Variants in DLC1 observed in about 807,000 individuals in gnomAD.
The protein encoded by DLC1 is rho GTPase-activating protein 7.
A neutral mutation model predicts 140.3 loss-of-function variants in DLC1; 54 were observed. The observed-to-expected ratio is 0.38, with a 90% CI of 0.31 to 0.48. The LOEUF is 0.48. DLC1 is among the 20% of genes least tolerant of loss of function. DLC1 has a pLI of 0.96. For synonymous variants in DLC1, 986 were observed against 728.1 expected (o/e 1.35, Z -5.70); for missense variants, 2,536 against 1,907.0 (o/e 1.33, Z -6.14).
At chr8:13,524,424 T>C (rs781172443) in intron 1 of DLC1, among the ~76,000 whole-genome samples, 2 of 151,980 alleles carry the variant, frequency 1.3e-5, no homozygotes, top group Non-Finnish European at 2.9e-5. Flanking sequence ...AGGCGTGAGC[T>C]ATCTATTCTA....
chr8:13,167,919 A>G (rs977628522), intron 5 of DLC1, among the ~76,000 whole-genome samples: 2 of 152,230 alleles, frequency 1.3e-5, no homozygotes, highest in Non-Finnish European at 2.9e-5. Context: ...TTGGCCTTCT[A>G]TGACTGACAA....
Position 13,499,771 on chromosome 8 carries a change from C to T in DLC1, c.301G>A (p.Glu101Lys), listed in dbSNP as rs1232238549. Residue 101 changes from glutamate (E) to lysine (K), a missense_variant, in exon 2 of 18, where the codon GAA becomes AAA. Glu to Lys is a moderately conservative substitution (Grantham distance 56). Coordinates refer to ENST00000276297, the MANE Select transcript of DLC1 (RefSeq NM_182643.3). ...TGCACTAGTGTTTCTGTGCTGGCTT[C>T]CAGAGAAAGAAACTGATCTTCACCT... Reference protein sequence around the residue: ...HEGEDQFLSLEASTETLVHVS... With the variant: ...HEGEDQFLSLKASTETLVHVS... 6.2e-7 allele frequency: 1 copy of T among 1,614,042 alleles called. No individual in the cohort carries two copies. Among genetic ancestry groups the T allele is most frequent in the Admixed American group, 1.7e-5 (1 of 60,016 alleles).
chr8:13,537,100 G>A (rs1803308322), intron 1 of DLC1, among the ~76,000 whole-genome samples: 1 of 149,592 alleles, frequency 6.7e-6, no homozygotes, highest in Non-Finnish European at 1.5e-5. Flanking sequence ...CATTAAATAT[G>A]TAGCAAAAAA....
chr8:13,108,285 C>T (rs1222706373), intron 7 of DLC1, among the ~76,000 whole-genome samples: 1 of 152,072 alleles, frequency 6.6e-6, no homozygotes, highest in African/African-American at 2.4e-5. Context: ...GGCCTTTCTG[C>T]ACATACTCAA....
chr8:13,445,703 C>G (rs959191679), intron 2 of DLC1, among the ~76,000 whole-genome samples: 2 of 152,102 alleles, frequency 1.3e-5, no homozygotes, highest in Admixed American at 1.3e-4. Flanking sequence ...TGATATCATC[C>G]TACCCTGAAG....
At chr8:13,251,636 G>A (rs1830009150) in intron 5 of DLC1, among the ~76,000 whole-genome samples, 2 of 152,056 alleles carry the variant, frequency 1.3e-5, no homozygotes, top group African/African-American at 4.8e-5. Context: ...GACTATGTGA[G>A]TAAAATACAA....
At chr8:13,405,912 TTTTCTTTTC>T (rs1261392558) in intron 2 of DLC1, among the ~76,000 whole-genome samples, 1 of 120,422 alleles carries the variant, frequency 8.3e-6, no homozygotes, top group East Asian at 2.7e-4. Context: ...TCTTTCTTTC[TTTTCTTTTC>T]TTTCTTTCTT....
chr8:13,347,228 G>A (rs987894343), intron 4 of DLC1, among the ~76,000 whole-genome samples: 1 of 152,194 alleles, frequency 6.6e-6, no homozygotes, highest in African/African-American at 2.4e-5. Flanking sequence ...GGAAAACAGA[G>A]AGAAACAAGT....
intron 4 of DLC1, among the ~76,000 whole-genome samples, chr8:13,345,012 A>G (rs1481938008): frequency 6.6e-6 from 1 of 152,166 alleles, no homozygotes; most frequent in Non-Finnish European, 1.5e-5. Context: ...AGGTGCATAG[A>G]ATCATATAAT....
At chr8:13,133,327 G>A in intron 5 of DLC1, 2 of 1,180,606 alleles carry the variant, frequency 1.7e-6, no homozygotes, top group Non-Finnish European at 2.1e-6. Context: ...CCTCCCGCTG[G>A]GCCCACCCCC....
chr8:13,501,569 C>A (rs569335979), intron 1 of DLC1, among the ~76,000 whole-genome samples: 1 of 152,250 alleles, frequency 6.6e-6, no homozygotes, highest in South Asian at 2.1e-4. Context: ...TTGTAAAGGG[C>A]CTTGACTCCC....
intron 4 of DLC1, among the ~76,000 whole-genome samples, chr8:13,354,378 A>G (rs1159374958): frequency 6.6e-6 from 1 of 152,128 alleles, no homozygotes; most frequent in Non-Finnish European, 1.5e-5. Flanking sequence ...GAATGAGACT[A>G]TCCTCCTCGC....
chr8:13,372,069 A>G (rs78136594), intron 4 of DLC1, among the ~76,000 whole-genome samples: 237 of 152,248 alleles, frequency 1.6e-3, no homozygotes, highest in African/African-American at 5.2e-3. Flanking sequence ...GTGACTTGCA[A>G]ATTGAGATTT....
At chr8:13,288,099 C>T (rs1028616072) in intron 5 of DLC1, among the ~76,000 whole-genome samples, 11 of 152,026 alleles carry the variant, frequency 7.2e-5, no homozygotes, top group African/African-American at 2.7e-4. Context: ...AAACCAAAAG[C>T]CTACTTCAAA....
intron 2 of DLC1, among the ~76,000 whole-genome samples, chr8:13,478,888 C>A (rs1800557715): frequency 6.6e-6 from 1 of 152,220 alleles, no homozygotes; most frequent in Non-Finnish European, 1.5e-5. Flanking sequence ...CAGATGCTCC[C>A]ACAAAAACTT....
intron 2 of DLC1, among the ~76,000 whole-genome samples, chr8:13,433,854 G>A (rs538365166): frequency 1.4e-4 from 22 of 152,180 alleles, no homozygotes; most frequent in African/African-American, 4.3e-4. Flanking sequence ...GTTTGTTTTG[G>A]TTTGGTTTTG....
rs3065349 is a variant in DLC1, at chr8:13,126,368, TACAC to T, written c.1349-10715_1349-10712del. ...AGGGACACACATATCTCTCTATCCA[TACAC>T]ACACACACACACACACACACACACA... On this transcript the variant is annotated intron_variant, in intron 5 of 17. Transcript: ENST00000276297. Among the ~76,000 whole-genome samples the T allele has an allele frequency of 5.1e-3, 738 of 145,548 alleles. 4 individuals are homozygous for T. The highest frequency in any genetic ancestry group is 0.014 in the Middle Eastern group (4 of 284).
intron 1 of DLC1, among the ~76,000 whole-genome samples, chr8:13,580,272 G>A (rs1212241286): frequency 1.3e-5 from 2 of 151,972 alleles, no homozygotes; most frequent in Non-Finnish European, 2.9e-5. Context: ...ACAGGCGACC[G>A]CCACCACGCG....
intron 5 of DLC1, among the ~76,000 whole-genome samples, chr8:13,247,881 G>A (rs1256056235): frequency 2.0e-5 from 3 of 152,098 alleles, no homozygotes; most frequent in Admixed American, 1.3e-4. Flanking sequence ...ATCCATAACC[G>A]CTCAAAGTTA....
Sources: gnomAD v4.1 joint callset for allele counts (sites outside exome capture counted in the v4.1 genomes callset) on GRCh38, gnomAD v4.1.1 for gene constraint, MANE v1.5 for transcripts, NCBI Gene and HGNC (gene_info 2026-07-23, HGNC 2026-07-21) for gene names.